LRIG1: variants seen among roughly 807,000 people sequenced by gnomAD.
LRIG1 encodes leucine rich repeats and immunoglobulin like domains 1.
A neutral mutation model predicts 99.2 loss-of-function variants in LRIG1; 48 were observed. The ratio of observed to expected loss-of-function variants is 0.48; its 90% confidence interval spans 0.38 to 0.62. The LOEUF (loss-of-function observed/expected upper bound fraction) is 0.62, where lower values mean the gene tolerates loss of function less well. Among genes scored for constraint, LRIG1 ranks in the 20% least tolerant of loss-of-function variants. The pLI, the probability that LRIG1 is intolerant of heterozygous loss-of-function variation, is 0.00. For synonymous variants in LRIG1, 772 were observed against 596.1 expected, an observed-to-expected ratio of 1.29 and a Z score of -4.30; for missense variants, 1,646 against 1,434.4, an observed-to-expected ratio of 1.15 and a Z score of -2.38.
intron 3 of LRIG1, among the ~76,000 whole-genome samples, chr3:66,442,018 T>C (rs568625328): frequency 2.6e-5 from 4 of 152,270 alleles, no homozygotes; most frequent in African/African-American, 7.2e-5. Context: ...CAGTGTACCA[T>C]ATATGCTGAC....
intron 3 of LRIG1, among the ~76,000 whole-genome samples, chr3:66,421,339 T>C (rs769027088): frequency 1.3e-5 from 2 of 152,248 alleles, no homozygotes; most frequent in Non-Finnish European, 1.5e-5. Flanking sequence ...CCTCTGCCTA[T>C]GAACCTGTAA....
chr3:66,379,492 A>G lies in LRIG1; in HGVS notation c.*771T>C, dbSNP rs1485377594. 3 of 152,310 alleles carry G rather than the reference A, an allele frequency of 2.0e-5. No homozygotes were observed. The highest frequency in any genetic ancestry group is 7.2e-5 in the African/African-American group (3 of 41,576). The allele number at this position is 152,310 out of a possible 1,614,324, so 9.4% of individuals were successfully genotyped here. On this transcript the variant is annotated 3_prime_UTR_variant, in exon 19 of 19. Coordinates refer to ENST00000273261, the MANE Select transcript of LRIG1 (RefSeq NM_015541.3). ...TACTGAGAAGGCCACATTTGCTTTT[A>G]TCATAAAATAAGAGGAGGAGGAAAG...
At position 66,384,247 on chromosome 3, in the gene LRIG1, G is replaced by C. The variant is rs1427641254; in HGVS notation, c.1815C>G (p.Pro605=). The C allele has an allele frequency of 6.2e-7, 1 of 1,612,098 alleles. No homozygotes were observed. The highest frequency in any genetic ancestry group is 1.1e-5 in the South Asian group (1 of 91,056). The change falls in exon 14 of 19, where the codon CCC becomes CCG. Residue 605 remains proline, a synonymous_variant. Transcript: ENST00000273261. ...TGGTGGTCCGGATGGTTATGTCGTG[G>C]GGCGTTTTGGTGAATGATGGCAACA... is the stretch of plus-strand genomic sequence containing the variant. ...VNVLPSFTKT[P]HDITIRTTTM... is the part of the protein sequence containing the mutation.
chr3:66,437,732 A>G (rs1703406189), intron 3 of LRIG1, among the ~76,000 whole-genome samples: 1 of 152,158 alleles, frequency 6.6e-6, no homozygotes, highest in African/African-American at 2.4e-5. Context: ...GGACGTGGCT[A>G]CTGTGCCATC....
chr3:66,386,120 C>CGCGTGG lies in LRIG1; in HGVS notation c.1644_1649dup (p.His549_Ala550dup), dbSNP rs1701359818. ...TGTACTCCATCACTTCCCCGTCCTG[C>CGCGTGG]GCGTGGACGTGGACAAAGTTCTCCA... On this transcript the variant is annotated inframe_insertion, in exon 13 of 19. Coordinates refer to ENST00000273261, the MANE Select transcript of LRIG1 (RefSeq NM_015541.3). 3 of 1,614,094 alleles carry CGCGTGG rather than the reference C, an allele frequency of 1.9e-6. No individual in the cohort carries two copies. The East Asian group carries it at 6.7e-5, about 36-fold the overall frequency.
chr3:66,481,227 CAA>C (rs144044580), intron 1 of LRIG1, among the ~76,000 whole-genome samples: 2 of 152,320 alleles, frequency 1.3e-5, no homozygotes, highest in African/African-American at 4.8e-5. Flanking sequence ...TACACAACAT[CAA>C]AGAGATTCCA....
intron 1 of LRIG1, among the ~76,000 whole-genome samples, chr3:66,482,275 C>T (rs1320951844): frequency 3.3e-5 from 5 of 152,252 alleles, no homozygotes; most frequent in Non-Finnish European, 5.9e-5. Flanking sequence ...GCAATTACAC[C>T]TGTGCTCTCT....
intron 1 of LRIG1, among the ~76,000 whole-genome samples, chr3:66,495,255 C>T (rs1701200174): frequency 6.6e-6 from 1 of 152,202 alleles, no homozygotes; most frequent in African/African-American, 2.4e-5. Context: ...GATATTTGCC[C>T]TTCCCTGCCT....
In LRIG1 at chr3:66,500,581, T is replaced by G; in HGVS notation, c.-174A>C. 16 of 355,012 alleles carry G rather than the reference T, an allele frequency of 4.5e-5. No individual in the cohort carries two copies. Among genetic ancestry groups the G allele is most frequent in the East Asian group, 8.7e-5 (2 of 22,894 alleles). 22.0% of individuals were successfully genotyped at this position (355,012 alleles called of 1,614,324 possible). A position where few individuals can be genotyped will look rare whatever the true frequency, so the allele number is the denominator to read the frequency against. Reference sequence around the variant, plus strand: ...GCTCCGGCACTCAGCGTGCCCCCGGTGCCCGGGCCGCTCCGGAGCACCCGG... The same window carrying G: ...GCTCCGGCACTCAGCGTGCCCCCGGGGCCCGGGCCGCTCCGGAGCACCCGG... On this transcript the variant is annotated 5_prime_UTR_variant, in exon 1 of 19. Coordinates refer to ENST00000273261, the MANE Select transcript of LRIG1 (RefSeq NM_015541.3).
intron 12 of LRIG1, 23 bp downstream of exon 12, chr3:66,394,015 GAA>G (rs769518639): frequency 1.2e-6 from 2 of 1,612,960 alleles, no homozygotes; most frequent in East Asian, 2.2e-5. Context: ...ATGAAGGAGA[GAA>G]AAAGTTACAA....
intron 12 of LRIG1, among the ~76,000 whole-genome samples, chr3:66,392,203 T>C (rs1211815998): frequency 6.6e-6 from 1 of 152,256 alleles, no homozygotes; most frequent in Non-Finnish European, 1.5e-5. Context: ...CATCCACTGA[T>C]ACCTGGGTTG....
intron 3 of LRIG1, among the ~76,000 whole-genome samples, chr3:66,442,121 A>G (rs1295144445): frequency 6.6e-6 from 1 of 152,114 alleles, no homozygotes; most frequent in Non-Finnish European, 1.5e-5. Flanking sequence ...ATTTCATGGG[A>G]CTCAATATAC....
intron 9 of LRIG1, chr3:66,404,331 G>A (rs558251953): frequency 1.6e-6 from 2 of 1,287,436 alleles, no homozygotes; most frequent in Non-Finnish European, 2.0e-6. Flanking sequence ...GGGACGGGCT[G>A]GGGGAATCGA....
intron 1 of LRIG1, among the ~76,000 whole-genome samples, chr3:66,471,037 C>G (rs1700584183): frequency 6.6e-6 from 1 of 152,160 alleles, no homozygotes; most frequent in African/African-American, 2.4e-5. Context: ...AACACACCAG[C>G]TCTGCAGTTG....
intron 1 of LRIG1, among the ~76,000 whole-genome samples, chr3:66,470,063 G>C (rs1480877005): frequency 6.6e-6 from 1 of 152,206 alleles, no homozygotes; most frequent in Non-Finnish European, 1.5e-5. Flanking sequence ...TGACTGAACA[G>C]TGTTGGTAGA....
At chr3:66,481,740 CAAAT>C (rs891592977) in intron 1 of LRIG1, among the ~76,000 whole-genome samples, 8 of 152,290 alleles carry the variant, frequency 5.3e-5, no homozygotes, top group African/African-American at 1.9e-4. Context: ...GGCAGGAAGA[CAAAT>C]AAACGAGAAG....
chr3:66,403,576 G>A (rs1010108996), intron 9 of LRIG1, among the ~76,000 whole-genome samples: 3 of 152,180 alleles, frequency 2.0e-5, no homozygotes, highest in African/African-American at 7.2e-5. Context: ...GAAGAGCTGA[G>A]CCTAGTCCAG....
intron 2 of LRIG1, among the ~76,000 whole-genome samples, chr3:66,454,861 G>A (rs1352629544): frequency 6.6e-6 from 1 of 152,140 alleles, no homozygotes; most frequent in Non-Finnish European, 1.5e-5. Context: ...ATGTGATAAA[G>A]GCTATTTCAT....
At chr3:66,384,637 A>C (rs1330073961) in intron 13 of LRIG1, among the ~76,000 whole-genome samples, 1 of 151,332 alleles carries the variant, frequency 6.6e-6, no homozygotes, top group African/African-American at 2.4e-5. Context: ...GTGGAGATGG[A>C]ATTACAGAGG....
Sources: allele counts gnomAD v4.1 joint callset (sites outside exome capture counted in the v4.1 genomes callset), GRCh38; gene constraint gnomAD v4.1.1; transcripts MANE v1.5; gene names NCBI Gene and HGNC (gene_info 2026-07-23, HGNC 2026-07-21).